Variants in EPHA6 observed in about 807,000 individuals in gnomAD.
EPHA6 encodes ephrin type-A receptor 6.
In EPHA6, 50 loss-of-function variants were observed where a neutral mutation model predicts 112.0. The observed-to-expected ratio is 0.45, with a 90% CI of 0.36 to 0.56. The LOEUF (loss-of-function observed/expected upper bound fraction) is 0.56, where lower values mean the gene tolerates loss of function less well. Ranked by LOEUF, EPHA6 falls within the 20% of genes least tolerant of loss-of-function variation. The pLI is 0.00. For missense variants in EPHA6, 1,280 were observed against 1,417.4 expected (o/e 0.90, Z 1.56); for synonymous variants, 529 against 490.7 (o/e 1.08, Z -1.03).
intron 11 of EPHA6, among the ~76,000 whole-genome samples, chr3:97,561,805 G>A (rs562317225): frequency 6.6e-6 from 1 of 152,190 alleles, no homozygotes; most frequent in East Asian, 1.9e-4. Context: ...AACCTTCCAA[G>A]GACAAGCTGA....
intron 14 of EPHA6, among the ~76,000 whole-genome samples, chr3:97,686,507 C>T (rs557186891): frequency 2.6e-5 from 4 of 152,154 alleles, no homozygotes; most frequent in Non-Finnish European, 5.9e-5. Flanking sequence ...CTCTCAAAAC[C>T]TTGTGAAATT....
intron 13 of EPHA6, among the ~76,000 whole-genome samples, chr3:97,627,999 T>C (rs764758644): frequency 6.6e-6 from 1 of 151,978 alleles, no homozygotes; most frequent in East Asian, 1.9e-4. Flanking sequence ...ACTTTGACTC[T>C]TCTCTGAGTA....
chr3:96,968,273 T>C (rs534018865), intron 2 of EPHA6, among the ~76,000 whole-genome samples: 84 of 151,824 alleles, frequency 5.5e-4, no homozygotes, highest in Non-Finnish European at 9.2e-4. Flanking sequence ...AGCTTAGTTC[T>C]GTGTCCTTTT....
At chr3:96,855,596 A>T (rs181540595) in intron 1 of EPHA6, among the ~76,000 whole-genome samples, 1 of 152,206 alleles carries the variant, frequency 6.6e-6, no homozygotes, top group African/African-American at 2.4e-5. Context: ...GCATAGAGGG[A>T]AATTTATGCT....
chr3:97,146,376 T>C (rs767873720), intron 3 of EPHA6, among the ~76,000 whole-genome samples: 2 of 151,870 alleles, frequency 1.3e-5, no homozygotes, highest in Non-Finnish European at 2.9e-5. Context: ...TATCACTTAG[T>C]TCTATTATTT....
intron 2 of EPHA6, among the ~76,000 whole-genome samples, chr3:96,979,184 A>T (rs1184221851): frequency 6.7e-6 from 1 of 149,114 alleles, no homozygotes; most frequent in African/African-American, 2.5e-5. Context: ...CATTGGGTAT[A>T]TCTCCTAATG....
At position 96,835,151 on chromosome 3, in the gene EPHA6, G is replaced by A. The variant is rs144770804; in HGVS notation, c.385+20143G>A. On this transcript the variant is annotated intron_variant, in intron 1 of 17. Transcript: ENST00000389672. The stretch of plus-strand genomic sequence containing the variant: ...CTAGTTCCCTACCTTTGGAATTCAC[G>A]AACACAATCAGCATTTATTAAATAT... 7.3e-3 allele frequency among the ~76,000 whole-genome samples: 1,104 copies of A among 152,086 alleles called. 16 individuals carry two copies. The highest frequency in any genetic ancestry group is 0.025 in the African/African-American group (1,035 of 41,516).
intron 2 of EPHA6, among the ~76,000 whole-genome samples, chr3:96,959,103 G>T (rs1444324288): frequency 6.6e-6 from 1 of 152,158 alleles, no homozygotes; most frequent in South Asian, 2.1e-4. Context: ...TAAAGTGACT[G>T]TGCCAGTTTA....
intron 6 of EPHA6, among the ~76,000 whole-genome samples, chr3:97,413,247 C>T (rs1577300043): frequency 6.6e-6 from 1 of 151,910 alleles, no homozygotes; most frequent in South Asian, 2.1e-4. Context: ...CAAAAAGTGA[C>T]TGAAGCAGGT....
At chr3:96,956,843 G>A (rs1278084234) in intron 2 of EPHA6, among the ~76,000 whole-genome samples, 1 of 151,944 alleles carries the variant, frequency 6.6e-6, no homozygotes, top group Non-Finnish European at 1.5e-5. Context: ...GACCAGCCTG[G>A]CCAAGATGGT....
At chr3:97,545,462 G>C (rs1037478446) in intron 11 of EPHA6, among the ~76,000 whole-genome samples, 24 of 152,140 alleles carry the variant, frequency 1.6e-4, no homozygotes, top group Non-Finnish European at 2.9e-4. Context: ...TTTTACATTT[G>C]CTGAGGAGTG....
At chr3:96,886,923 G>A (rs2037659058) in intron 2 of EPHA6, among the ~76,000 whole-genome samples, 1 of 152,064 alleles carries the variant, frequency 6.6e-6, no homozygotes, top group Non-Finnish European at 1.5e-5. Context: ...TGTGTCCAAA[G>A]TTTCCTGAAT....
Position 96,986,393 on chromosome 3 carries a change from G to C in EPHA6, c.451-937G>C, listed in dbSNP as rs115292994. Among the ~76,000 whole-genome samples the C allele has an allele frequency of 5.5e-3, 838 of 152,238 alleles. 7 individuals carry two copies. The highest frequency in any genetic ancestry group is 0.02 in the African/African-American group (816 of 41,564). On this transcript the variant is annotated intron_variant, in intron 2 of 17. Coordinates refer to ENST00000389672, the MANE Select transcript of EPHA6 (RefSeq NM_001080448.3). Reference sequence around the variant, plus strand: ...CTTTTGGTTTGGCTGCTCTCTGACTGTCTGTTCTTATTACCTAATGTGCTT... The same window carrying C: ...CTTTTGGTTTGGCTGCTCTCTGACTCTCTGTTCTTATTACCTAATGTGCTT...
intron 3 of EPHA6, among the ~76,000 whole-genome samples, chr3:97,076,972 C>T (rs2046547433): frequency 1.3e-5 from 2 of 152,058 alleles, no homozygotes; most frequent in Non-Finnish European, 2.9e-5. Flanking sequence ...TATCTAGTCA[C>T]CCAAGAGTTC....
chr3:97,136,134 T>C (rs1481918408), intron 3 of EPHA6, among the ~76,000 whole-genome samples: 2 of 152,152 alleles, frequency 1.3e-5, no homozygotes, highest in Non-Finnish European at 2.9e-5. Flanking sequence ...TCCCCAGTTA[T>C]GCCTTTAGGA....
At chr3:97,617,421 A>C (rs1474507582) in intron 13 of EPHA6, among the ~76,000 whole-genome samples, 2 of 152,196 alleles carry the variant, frequency 1.3e-5, no homozygotes, top group African/African-American at 2.4e-5. Flanking sequence ...AAATCCACAC[A>C]TAACAATACT....
chr3:97,579,813 G>A (rs1211991547), intron 11 of EPHA6, among the ~76,000 whole-genome samples: 1 of 152,044 alleles, frequency 6.6e-6, no homozygotes, highest in Non-Finnish European at 1.5e-5. Flanking sequence ...TTTTGGCTAA[G>A]ATCAAGTGTA....
intron 3 of EPHA6, among the ~76,000 whole-genome samples, chr3:97,093,361 C>T (rs1268692692): frequency 6.6e-6 from 1 of 151,996 alleles, no homozygotes; most frequent in Non-Finnish European, 1.5e-5. Flanking sequence ...CCAGCCTGGC[C>T]AACATGGCAA....
chr3:97,231,781 A>T (rs1307827738), intron 4 of EPHA6, among the ~76,000 whole-genome samples: 3 of 152,154 alleles, frequency 2.0e-5, no homozygotes, highest in African/African-American at 7.2e-5. Context: ...AATCCCTAGG[A>T]GCTGCCCTCA....
Sources: gnomAD v4.1 joint callset for allele counts (sites outside exome capture counted in the v4.1 genomes callset) on GRCh38, gnomAD v4.1.1 for gene constraint, MANE v1.5 for transcripts, NCBI Gene and HGNC (gene_info 2026-07-23, HGNC 2026-07-21) for gene names.